DNAI4: variants seen among roughly 807,000 people sequenced by gnomAD.
DNAI4 encodes dynein axonemal intermediate chain 4.
A neutral mutation model predicts 105.8 loss-of-function variants in DNAI4; 85 were observed. The observed-to-expected ratio is 0.80, with a 90% CI of 0.67 to 0.96. The LOEUF (loss-of-function observed/expected upper bound fraction) is 0.96, where lower values mean the gene tolerates loss of function less well. DNAI4 is among the 40% of genes least tolerant of loss of function. The pLI, the probability that DNAI4 is intolerant of heterozygous loss-of-function variation, is 0.00. For synonymous variants in DNAI4, 352 were observed against 331.5 expected (o/e 1.06, Z -0.67); for missense variants, 1,014 against 1,005.6 (o/e 1.01, Z -0.11).
intron 9 of DNAI4, among the ~76,000 whole-genome samples, chr1:66,838,155 T>A (rs890477684): frequency 1.3e-5 from 2 of 152,196 alleles, no homozygotes; most frequent in African/African-American, 4.8e-5. Context: ...TAAAGGACAC[T>A]TAAGTTAAAG....
intron 4 of DNAI4, among the ~76,000 whole-genome samples, chr1:66,876,605 C>T (rs550518360): frequency 6.6e-6 from 1 of 152,180 alleles, no homozygotes; most frequent in South Asian, 2.1e-4. Context: ...TCACCCATTT[C>T]CTAAATGTTG....
At chr1:66,861,497 T>C (rs552912769) in intron 7 of DNAI4, among the ~76,000 whole-genome samples, 112 of 152,350 alleles carry the variant, frequency 7.4e-4, no homozygotes, top group African/African-American at 2.6e-3. Context: ...TTGCAAAGTT[T>C]ATTTGGAAAG....
At chr1:66,921,243 T>C (rs1315444772) in intron 1 of DNAI4, 1 of 152,010 alleles carries the variant, frequency 6.6e-6, no homozygotes, top group Non-Finnish European at 1.5e-5. Context: ...GACAGAGAAA[T>C]AGGATGAAGA....
chr1:66,909,781 A>G (rs1477992830), intron 1 of DNAI4, among the ~76,000 whole-genome samples: 1 of 151,540 alleles, frequency 6.6e-6, no homozygotes, highest in Non-Finnish European at 1.5e-5. Flanking sequence ...CCACCACCAC[A>G]TCACCCTCAC....
At chr1:66,919,269 C>T (rs1403680213) in intron 1 of DNAI4, among the ~76,000 whole-genome samples, 2 of 152,166 alleles carry the variant, frequency 1.3e-5, no homozygotes, top group Non-Finnish European at 2.9e-5. Context: ...GGTTCACATA[C>T]TCATGTGAAT....
At chr1:66,846,760 C>A (rs959129603) in intron 8 of DNAI4, among the ~76,000 whole-genome samples, 3 of 152,128 alleles carry the variant, frequency 2.0e-5, no homozygotes, top group Non-Finnish European at 4.4e-5. Flanking sequence ...GATCAAAAGA[C>A]CTTGGTTGAA....
At chr1:66,868,471 C>T (rs1403830470) in intron 6 of DNAI4, among the ~76,000 whole-genome samples, 1 of 152,094 alleles carries the variant, frequency 6.6e-6, no homozygotes, top group African/African-American at 2.4e-5. Flanking sequence ...TGGCTCTCTC[C>T]AATGTGGTGG....
chr1:66,918,104 A>G (rs539935475), intron 1 of DNAI4, among the ~76,000 whole-genome samples: 6 of 152,338 alleles, frequency 3.9e-5, no homozygotes, highest in African/African-American at 1.4e-4. Context: ...AAAGAGTCTT[A>G]TTTGAGATTT....
At position 66,823,075 on chromosome 1, in the gene DNAI4, C is replaced by T. The variant is rs570998241; in HGVS notation, c.2340-558G>A. On this transcript the variant is annotated intron_variant, in intron 15 of 16. Transcript: ENST00000371026. ...CCTCCCCACTCCCCCCACCCCACAA[C>T]AGTCCCCAGAGTGTGATGTTCCCCT... Among the ~76,000 whole-genome samples the T allele has an allele frequency of 2.7e-5, 4 of 149,630 alleles. No homozygotes were observed. In the East Asian group the frequency reaches 5.9e-4, roughly 22 times the overall value.
rs765099839 is a variant in DNAI4, at chr1:66,890,208, T to A, written c.643+946A>T. On this transcript the variant is annotated intron_variant, in intron 4 of 16. Transcript: ENST00000371026. This position sits in a 1 kb window ranked among gnomAD's most constrained non-coding sequence, Gnocchi z 4.1. ...CTGTATTCCCAGGTACTTCAGAGGCTGAGGTGGGAGGATCGCTGGAGCCCA... is the reference window on the plus strand; with the variant it reads ...CTGTATTCCCAGGTACTTCAGAGGCAGAGGTGGGAGGATCGCTGGAGCCCA... 1 of 152,230 alleles carries A rather than the reference T, an allele frequency of 6.6e-6. No homozygotes were observed. Among genetic ancestry groups the A allele is most frequent in the Non-Finnish European group, 1.5e-5 (1 of 68,258 alleles). The allele number at this position is 152,230 out of a possible 1,614,324, so 9.4% of individuals were successfully genotyped here.
At chr1:66,849,799 G>T (rs1646357242) in intron 7 of DNAI4, among the ~76,000 whole-genome samples, 1 of 151,976 alleles carries the variant, frequency 6.6e-6, no homozygotes, top group Non-Finnish European at 1.5e-5. Context: ...CAATGGATGG[G>T]CTCAACAGCA....
At chr1:66,883,403 G>A (rs1647124035) in intron 4 of DNAI4, among the ~76,000 whole-genome samples, 2 of 151,822 alleles carry the variant, frequency 1.3e-5, no homozygotes, top group Admixed American at 6.6e-5. Context: ...TCAGCTTCCC[G>A]AGTAGCTGGG....
chr1:66,907,915 C>T (rs947862910), intron 1 of DNAI4, among the ~76,000 whole-genome samples: 2 of 152,132 alleles, frequency 1.3e-5, no homozygotes, highest in Non-Finnish European at 2.9e-5. Flanking sequence ...ATCCTTCGAC[C>T]CTATTATGAC....
rs768595484 is a variant in DNAI4 at position 66,893,063 on chromosome 1, G to GAGAAAGAAAGAAAGAAAGAAAGAA, written c.530+142_530+165dup. On this transcript the variant is annotated intron_variant, in intron 3 of 16. Coordinates refer to ENST00000371026, the MANE Select transcript of DNAI4 (RefSeq NM_024763.5). ...AGAAAGAAAGAAAGAAAGAGAGAGA[G>GAGAAAGAAAGAAAGAAAGAAAGAA]AGAAAGAAAGAAAGAAAGAAAGAAA... 2.8e-3 allele frequency among the ~76,000 whole-genome samples: 254 copies of GAGAAAGAAAGAAAGAAAGAAAGAA among 89,534 alleles called. 7 individuals carry two copies. The highest frequency in any genetic ancestry group is 6.2e-3 in the East Asian group (22 of 3,546). The allele number at this position is 89,534 out of a possible 152,430, so 58.7% of individuals were successfully genotyped here. A position where few individuals can be genotyped will look rare whatever the true frequency, so the allele number is the denominator to read the frequency against.
At chr1:66,825,164 G>A (rs946910025) in intron 15 of DNAI4, among the ~76,000 whole-genome samples, 1 of 136,310 alleles carries the variant, frequency 7.3e-6, no homozygotes, top group Non-Finnish European at 1.6e-5. Flanking sequence ...AATAATAACT[G>A]TCTTTTTTTT....
chr1:66,841,959 C>G (rs1646158516), intron 8 of DNAI4, among the ~76,000 whole-genome samples: 1 of 152,146 alleles, frequency 6.6e-6, no homozygotes, highest in Admixed American at 6.5e-5. Flanking sequence ...TTTCACTGAC[C>G]TAAAAATCTT....
At chr1:66,817,660 A>T (rs1219996418) in intron 16 of DNAI4, among the ~76,000 whole-genome samples, 1 of 152,230 alleles carries the variant, frequency 6.6e-6, no homozygotes, top group South Asian at 2.1e-4. Flanking sequence ...CCTACTGCAT[A>T]GGAAAACTGT....
intron 5 of DNAI4, among the ~76,000 whole-genome samples, chr1:66,874,316 T>C (rs1049280479): frequency 5.3e-4 from 80 of 152,276 alleles, no homozygotes; most frequent in African/African-American, 1.9e-3. Flanking sequence ...TTCTCTAATA[T>C]AGTAAATTCA....
chr1:66,832,336 G>A lies in DNAI4; in HGVS notation c.2013+1249C>T, dbSNP rs189073035. 1.3e-3 allele frequency among the ~76,000 whole-genome samples: 194 copies of A among 152,264 alleles called. 1 individual carries two copies. Among genetic ancestry groups the A allele is most frequent in the Admixed American group, 2.2e-3 (34 of 15,292 alleles). ...ATTTAGATGATAGGGTAGAATAGAG[G>A]AGCTCAAGTTTTGGTTTGCATAATG... On this transcript the variant is annotated intron_variant, in intron 13 of 16. Coordinates refer to ENST00000371026, the MANE Select transcript of DNAI4 (RefSeq NM_024763.5).
Sources: gnomAD v4.1 joint callset for allele counts (sites outside exome capture counted in the v4.1 genomes callset) on GRCh38, gnomAD v4.1.1 for gene constraint, Gnocchi (gnomAD v3.1) non-coding constraint, MANE v1.5 for transcripts, NCBI Gene and HGNC (gene_info 2026-07-23, HGNC 2026-07-21) for gene names.